SDK1: variants seen among roughly 807,000 people sequenced by gnomAD.
The protein encoded by SDK1 is protein sidekick-1.
In SDK1, 157 loss-of-function variants were observed where a neutral mutation model predicts 245.5. The ratio of observed to expected loss-of-function variants is 0.64; its 90% CI spans 0.56 to 0.73. The LOEUF is 0.73. SDK1 is among the 30% of genes least tolerant of loss of function. SDK1 has a pLI of 0.00. For missense variants in SDK1, 3,583 were observed against 3,002.3 expected (o/e 1.19, Z -4.52); for synonymous variants, 1,647 against 1,278.5 (o/e 1.29, Z -6.15).
chr7:3,554,364 A>C (rs1274660954), intron 1 of SDK1, among the ~76,000 whole-genome samples: 1 of 152,246 alleles, frequency 6.6e-6, no homozygotes, highest in African/African-American at 2.4e-5. Flanking sequence ...TTAAAGATCA[A>C]GTTTTAAAGG....
chr7:3,441,743 T>A (rs924770952), intron 1 of SDK1, among the ~76,000 whole-genome samples: 7 of 152,186 alleles, frequency 4.6e-5, no homozygotes, highest in African/African-American at 1.7e-4. Context: ...TAAATCAATT[T>A]GGGTAGAATA....
At chr7:3,986,659 G>C (rs1241272384) in intron 13 of SDK1, among the ~76,000 whole-genome samples, 1 of 152,220 alleles carries the variant, frequency 6.6e-6, no homozygotes, top group Non-Finnish European at 1.5e-5. Flanking sequence ...AGGAGTTCAA[G>C]ACCAACCTGG....
intron 19 of SDK1, among the ~76,000 whole-genome samples, chr7:4,054,859 T>G (rs148641911): frequency 2.0e-5 from 3 of 152,338 alleles, no homozygotes; most frequent in African/African-American, 7.2e-5. Context: ...TTTGACATGA[T>G]CATCTGGTTT....
At chr7:3,462,737 C>G (rs1161564165) in intron 1 of SDK1, among the ~76,000 whole-genome samples, 1 of 152,128 alleles carries the variant, frequency 6.6e-6, no homozygotes, top group Non-Finnish European at 1.5e-5. Flanking sequence ...GATCTCTCCC[C>G]TCCTCTCTCT....
At chr7:3,599,290 A>G (rs961235564) in intron 1 of SDK1, among the ~76,000 whole-genome samples, 3 of 151,798 alleles carry the variant, frequency 2.0e-5, no homozygotes, top group Non-Finnish European at 1.5e-5. Context: ...ATGTCTGTTT[A>G]TATCTTTTGC....
chr7:4,218,308 G>A (rs148471648), intron 38 of SDK1, among the ~76,000 whole-genome samples: 1,722 of 152,156 alleles, frequency 0.011, 18 homozygotes, highest in African/African-American at 0.036. Context: ...CAGGAGAATC[G>A]CTTGAACTCA....
chr7:3,790,925 G>A (rs1019673881), intron 4 of SDK1, among the ~76,000 whole-genome samples: 2 of 152,044 alleles, frequency 1.3e-5, no homozygotes, highest in Non-Finnish European at 2.9e-5. Flanking sequence ...AAATTAACTT[G>A]ACAGTAATCA....
chr7:3,686,162 A>G (rs1021177537), intron 4 of SDK1, among the ~76,000 whole-genome samples: 1 of 151,992 alleles, frequency 6.6e-6, no homozygotes, highest in Non-Finnish European at 1.5e-5. Flanking sequence ...TGCAACCTCT[A>G]CCTCCTGGGT....
intron 1 of SDK1, among the ~76,000 whole-genome samples, chr7:3,591,121 T>C (rs1228194512): frequency 6.6e-6 from 1 of 152,238 alleles, no homozygotes; most frequent in Non-Finnish European, 1.5e-5. Flanking sequence ...TTTTAACATT[T>C]TAACTTTAAG....
At chr7:3,598,694 A>T (rs539594746) in intron 1 of SDK1, among the ~76,000 whole-genome samples, 3 of 152,222 alleles carry the variant, frequency 2.0e-5, no homozygotes, top group Non-Finnish European at 4.4e-5. Flanking sequence ...AGAATATTAT[A>T]TAAAAGGAAT....
chr7:4,011,127 G>C lies in SDK1; in HGVS notation c.2279+14G>C. ...CGAGACAAGCAGGTGCGTGAATCCC[G>C]CCCCAGGTGGGGGTGTGGAACAGCC... On this transcript the variant is annotated intron_variant, in intron 15 of 44. Transcript: ENST00000404826. The C allele has an allele frequency of 1.9e-6, 3 of 1,612,058 alleles. No homozygotes were observed. Among genetic ancestry groups the C allele is most frequent in the Non-Finnish European group, 1.7e-6 (2 of 1,179,564 alleles).
At position 3,967,347 on chromosome 7, in the gene SDK1, G is replaced by C. The variant is rs779447228; in HGVS notation, c.1459G>C (p.Val487Leu). The C allele has an allele frequency of 1.5e-5, 24 of 1,614,046 alleles. No homozygotes were observed. Among genetic ancestry groups the C allele is most frequent in the African/African-American group, 2.7e-5 (2 of 74,922 alleles). The change falls in exon 10 of 45, where the codon GTG becomes CTG. Residue 487 changes from valine to leucine, a missense_variant. Coordinates refer to ENST00000404826, the MANE Select transcript of SDK1 (RefSeq NM_152744.4). ...CGCTCCAGTGTTCACCCAGCGGCCAGTGGACACCACAGTTACTGACGGGAT... is the reference window on the plus strand; with the variant it reads ...CGCTCCAGTGTTCACCCAGCGGCCACTGGACACCACAGTTACTGACGGGAT... ...NIAPVFTQRP[V>L]DTTVTDGMTA...
At chr7:3,551,674 C>T (rs1244056436) in intron 1 of SDK1, among the ~76,000 whole-genome samples, 1 of 151,772 alleles carries the variant, frequency 6.6e-6, no homozygotes, top group Non-Finnish European at 1.5e-5. Flanking sequence ...CAGCAGAAAA[C>T]TTGTAAAGTT....
intron 40 of SDK1, among the ~76,000 whole-genome samples, 194 bp downstream of exon 40, chr7:4,221,558 C>T (rs769810080): frequency 6.6e-5 from 10 of 152,158 alleles, no homozygotes; most frequent in Non-Finnish European, 8.8e-5. Context: ...CACAACTGTG[C>T]GGTTCACCTT....
chr7:4,041,428 T>C (rs1007419625), intron 17 of SDK1, among the ~76,000 whole-genome samples: 3 of 152,160 alleles, frequency 2.0e-5, no homozygotes, highest in Admixed American at 6.5e-5. Flanking sequence ...ACCTTTCTTA[T>C]GAGCAGTGAA....
At chr7:3,803,824 G>A (rs546866616) in intron 4 of SDK1, among the ~76,000 whole-genome samples, 1 of 149,772 alleles carries the variant, frequency 6.7e-6, no homozygotes, top group African/African-American at 2.5e-5. Flanking sequence ...GAATGCAGTG[G>A]CATGATCTCA....
intron 1 of SDK1, among the ~76,000 whole-genome samples, chr7:3,506,415 C>G (rs1406192338): frequency 6.6e-6 from 1 of 152,042 alleles, no homozygotes; most frequent in African/African-American, 2.4e-5. Flanking sequence ...CACTAGTTAT[C>G]AGGAATTTTC....
chr7:3,582,142 CAGGT>C (rs1244190631), intron 1 of SDK1, among the ~76,000 whole-genome samples: 2 of 150,248 alleles, frequency 1.3e-5, no homozygotes, highest in African/African-American at 4.9e-5. Flanking sequence ...AGGTCTCCCT[CAGGT>C]AGGCCTGTCT....
chr7:3,488,815 G>C (rs989836013), intron 1 of SDK1, among the ~76,000 whole-genome samples: 9 of 152,136 alleles, frequency 5.9e-5, no homozygotes, highest in Middle Eastern at 3.4e-3. Context: ...CTCATAGGCT[G>C]GCTGTCCTCA....
Sources: gnomAD v4.1 joint callset for allele counts (sites outside exome capture counted in the v4.1 genomes callset) on GRCh38, gnomAD v4.1.1 for gene constraint, MANE v1.5 for transcripts, NCBI Gene and HGNC (gene_info 2026-07-23, HGNC 2026-07-21) for gene names.